Variants in OTOP3 observed in about 807,000 individuals in gnomAD.
The protein encoded by OTOP3 is otopetrin 3, also known as proton channel OTOP3.
A neutral mutation model predicts 50.8 loss-of-function variants in OTOP3; 41 were observed. The observed-to-expected ratio is 0.81, with a 90% CI of 0.63 to 1.05. The LOEUF (loss-of-function observed/expected upper bound fraction) is 1.05. Ranked by LOEUF, OTOP3 falls within the 50% of genes least tolerant of loss-of-function variation. OTOP3 has a pLI of 0.00. For synonymous variants in OTOP3, 320 were observed against 324.4 expected, an observed-to-expected ratio of 0.99 and a Z score of 0.14; for missense variants, 788 against 760.8, an observed-to-expected ratio of 1.04 and a Z score of -0.42.
In OTOP3 at chr17:74,941,469, G is replaced by A. The variant is rs1371648137; in HGVS notation, c.96G>A (p.Val32=). 6.2e-7 allele frequency: 1 copy of A among 1,606,662 alleles called. No homozygotes were observed. Among genetic ancestry groups the A allele is most frequent in the Admixed American group, 1.7e-5 (1 of 59,134 alleles). The change falls in exon 2 of 7, where the codon GTG becomes GTA. Residue 32 remains valine (V), a synonymous_variant. Transcript: ENST00000328801. Reference sequence around the variant, plus strand: ...CAGCCCCGGAGAAGGAGAACCGAGTGGATGTGGGGGCCGAGGAGAGAGCGG... The same window carrying A: ...CAGCCCCGGAGAAGGAGAACCGAGTAGATGTGGGGGCCGAGGAGAGAGCGG... ...TEAAPEKENR[V]DVGAEERAAA... is the part of the protein sequence containing the mutation.
intron 5 of OTOP3, among the ~76,000 whole-genome samples, chr17:74,945,588 C>G (rs117541431): frequency 0.013 from 1,929 of 152,272 alleles, 22 homozygotes; most frequent in Middle Eastern, 0.044. Context: ...TTTTCGGCCC[C>G]AGCTTCTTCC....
chr17:74,942,262 A>G (rs1227198409), intron 3 of OTOP3, among the ~76,000 whole-genome samples: 2 of 152,246 alleles, frequency 1.3e-5, no homozygotes, highest in African/African-American at 4.8e-5. Context: ...GTAGACACTT[A>G]GAAGTCCAGC....
Position 74,947,578 on chromosome 17 carries a change from A to G in OTOP3, c.1566+103A>G, listed in dbSNP as rs551083095. Reference sequence around the variant, plus strand: ...ATCAAGGACACATCTTTTTCCAACTAGCTTGATGCTGCTTGAGAGTGTCCC... The same window carrying G: ...ATCAAGGACACATCTTTTTCCAACTGGCTTGATGCTGCTTGAGAGTGTCCC... On this transcript the variant is annotated intron_variant, in intron 6 of 6. Coordinates refer to ENST00000328801, the MANE Select transcript of OTOP3 (RefSeq NM_001272005.2). The G allele has an allele frequency of 1.4e-4, 158 of 1,136,456 alleles. 1 individual carries two copies. The East Asian group carries it at 4.1e-3, about 29-fold the overall frequency. The allele number at this position is 1,136,456 out of a possible 1,614,324, so 70.4% of individuals were successfully genotyped here.
chr17:74,949,558 G>A lies in OTOP3; in HGVS notation c.*142G>A, dbSNP rs553897029. On this transcript the variant is annotated 3_prime_UTR_variant, in exon 7 of 7. Coordinates refer to ENST00000328801, the MANE Select transcript of OTOP3 (RefSeq NM_001272005.2). The stretch of plus-strand genomic sequence containing the variant: ...TCCTGCTCCCCAGAGCCTCACTGAA[G>A]GGGAGGGCACTGCCTAGAGCCAGAG... The A allele has an allele frequency of 1.7e-5, 17 of 988,092 alleles. No homozygotes were observed. In the African/African-American group the frequency reaches 1.8e-4, roughly 10 times the overall value. 61.2% of individuals were successfully genotyped at this position (988,092 alleles called of 1,614,324 possible). A position where few individuals can be genotyped will look rare whatever the true frequency, so the allele number is the denominator to read the frequency against.
chr17:74,949,690 C>A lies in OTOP3; in HGVS notation c.*274C>A. ...ACGATCCGCAAGCCAAGGGTGCACC[C>A]CAGGAGGCTGGCAGGGGCCCCCTCA... On this transcript the variant is annotated 3_prime_UTR_variant, in exon 7 of 7. Transcript: ENST00000328801. 1 of 427,184 alleles carries A rather than the reference C, an allele frequency of 2.3e-6. No homozygotes were observed. The highest frequency in any genetic ancestry group is 4.2e-6 in the Non-Finnish European group (1 of 240,244). The allele number at this position is 427,184 out of a possible 1,614,324, so 26.5% of individuals were successfully genotyped here.
At chr17:74,945,600 G>C (rs1005094009) in intron 5 of OTOP3, among the ~76,000 whole-genome samples, 1 of 152,180 alleles carries the variant, frequency 6.6e-6, no homozygotes, top group African/African-American at 2.4e-5. Context: ...GCTTCTTCCA[G>C]GTGATGCTGT....
Position 74,942,029 on chromosome 17 carries a change from G to A in OTOP3, c.565G>A (p.Gly189Ser), listed in dbSNP as rs1338831129. ...VFSVIEMVFI[G>S]VQTWVLWKHC... Reference sequence around the variant, plus strand: ...CTCTGTCATCGAGATGGTCTTCATCGGCGTCCAGGTGACAGGCTTCTCACG... The same window carrying A: ...CTCTGTCATCGAGATGGTCTTCATCAGCGTCCAGGTGACAGGCTTCTCACG... Residue 189 changes from glycine to serine, a missense_variant, in exon 3 of 7, where the codon GGC (glycine) becomes AGC (serine). By Grantham distance (56) the Gly-to-Ser change is moderately conservative. Transcript: ENST00000328801. 5.6e-6 allele frequency: 9 copies of A among 1,608,804 alleles called. No homozygotes were observed. Among genetic ancestry groups the A allele is most frequent in the South Asian group, 2.2e-5 (2 of 90,444 alleles).
intron 1 of OTOP3, among the ~76,000 whole-genome samples, chr17:74,938,893 C>T (rs917835516): frequency 1.3e-5 from 2 of 151,848 alleles, no homozygotes; most frequent in African/African-American, 4.8e-5. Context: ...CAGGGCCAGG[C>T]ATGGTGGCTT....
intron 6 of OTOP3, 107 bp from the exon 7 acceptor site, chr17:74,949,139 T>G (rs1598609830): frequency 4.5e-6 from 5 of 1,099,600 alleles, no homozygotes; most frequent in East Asian, 2.4e-5. Context: ...GAGCGGGAGG[T>G]GGGGGTGGCA....
intron 6 of OTOP3, 101 bp downstream of exon 6, chr17:74,947,576 C>G (rs1567953079): frequency 1.7e-6 from 2 of 1,156,854 alleles, no homozygotes; most frequent in Admixed American, 2.9e-5. Flanking sequence ...CTTTTTCCAA[C>G]TAGCTTGATG....
At chr17:74,941,309 T>C in intron 1 of OTOP3, 84 bp from the exon 2 acceptor site, 1 of 1,389,578 alleles carries the variant, frequency 7.2e-7, no homozygotes, top group Non-Finnish European at 9.5e-7. Context: ...TAGCTGACCC[T>C]GGGTCACACA....
intron 6 of OTOP3, among the ~76,000 whole-genome samples, 174 bp downstream of exon 6, chr17:74,947,649 C>T (rs1157246799): frequency 6.6e-6 from 1 of 152,240 alleles, no homozygotes; most frequent in Non-Finnish European, 1.5e-5. Context: ...GTGCCAAGCA[C>T]TTGGCTAAGT....
intron 1 of OTOP3, among the ~76,000 whole-genome samples, chr17:74,936,797 C>T (rs2039120155): frequency 6.6e-6 from 1 of 152,158 alleles, no homozygotes; most frequent in Non-Finnish European, 1.5e-5. Flanking sequence ...CCCTTCCCAG[C>T]TCTCCAGGAC....
chr17:74,943,239 C>G, intron 3 of OTOP3, 47 bp from the exon 4 acceptor site: 1 of 1,567,744 alleles, frequency 6.4e-7, no homozygotes, highest in Non-Finnish European at 8.8e-7. Flanking sequence ...ACACTGTGGT[C>G]CCACCACCTC....
rs1454642361 is a variant in OTOP3, at chr17:74,947,385, A to C, written c.1476A>C (p.Ser492=). 8.1e-6 allele frequency: 13 copies of C among 1,613,014 alleles called. No homozygotes were observed. The highest frequency in any genetic ancestry group is 1.1e-5 in the Non-Finnish European group (13 of 1,180,022). Residue 492 remains serine, a synonymous_variant, in exon 6 of 7, where the codon TCA becomes TCC. Transcript: ENST00000328801. ...TGGGCCAGGGCCTGCAGCGGGCCTC[A>C]CTGGCCTACATCCACTCCTACAGCC... ...LELGQGLQRA[S]LAYIHSYSHL...
Position 74,941,716 on chromosome 17 carries a change from C to T in OTOP3, c.343C>T (p.Leu115=). ...GCTGGCCACGCTGAAGGTCCTCTCC[C>T]TGCTTTGGCTTCTCTACTATGTGGC... ...ILLATLKVLS[L]LWLLYYVAST... The change falls in exon 2 of 7, where the codon CTG becomes TTG. Residue 115 remains leucine (L), a synonymous_variant. Coordinates refer to ENST00000328801, the MANE Select transcript of OTOP3 (RefSeq NM_001272005.2). 1.2e-6 allele frequency: 2 copies of T among 1,614,154 alleles called. No homozygotes were observed. Among genetic ancestry groups the T allele is most frequent in the Non-Finnish European group, 1.7e-6 (2 of 1,180,020 alleles).
At chr17:74,938,051 C>G (rs868123289) in intron 1 of OTOP3, among the ~76,000 whole-genome samples, 1 of 151,988 alleles carries the variant, frequency 6.6e-6, no homozygotes, top group African/African-American at 2.4e-5. Flanking sequence ...GCCTTGAGTA[C>G]GGCAGGGGTG....
At position 74,943,685 on chromosome 17, in the gene OTOP3, A is replaced by G. The variant is rs1567951285; in HGVS notation, c.712A>G (p.Ile238Val). The change falls in exon 5 of 7, where the codon ATC becomes GTC. Residue 238 changes from isoleucine to valine, a missense_variant. Ile to Val is a conservative substitution (Grantham distance 29, BLOSUM62 3). Transcript: ENST00000328801. ...AVTNDSMHRE[I>V]EAELGILMEK... The stretch of plus-strand genomic sequence containing the variant: ...TACCAATGACTCCATGCACCGAGAG[A>G]TCGAAGCTGAGCTTGGCATCCTCAT... 1 of 1,611,672 alleles carries G rather than the reference A, an allele frequency of 6.2e-7. No individual in the cohort carries two copies. The highest frequency in any genetic ancestry group is 1.7e-5 in the Admixed American group (1 of 59,952).
intron 1 of OTOP3, 127 bp from the exon 2 acceptor site, chr17:74,941,266 C>T (rs2039168672): frequency 2.0e-6 from 2 of 1,013,162 alleles, no homozygotes; most frequent in Admixed American, 3.4e-5. Flanking sequence ...CTATTAGTTC[C>T]AATGTCCCAA....
Sources: allele counts gnomAD v4.1 joint callset (sites outside exome capture counted in the v4.1 genomes callset), GRCh38; gene constraint gnomAD v4.1.1; transcripts MANE v1.5; gene names NCBI Gene and HGNC (gene_info 2026-07-23, HGNC 2026-07-21).